Variants in NCAM2 observed in about 807,000 individuals in gnomAD.
NCAM2 encodes the protein N-CAM-2.
A neutral mutation model predicts 98.1 loss-of-function variants in NCAM2; 30 were observed. The ratio of observed to expected loss-of-function variants is 0.31; its 90% confidence interval spans 0.23 to 0.41. The LOEUF (loss-of-function observed/expected upper bound fraction) is 0.41. Among genes scored for constraint, NCAM2 ranks in the 10% least tolerant of loss-of-function variants. The pLI, the probability that NCAM2 is intolerant of heterozygous loss-of-function variation, is 1.00. For synonymous variants in NCAM2, 368 were observed against 342.4 expected (o/e 1.07, Z -0.83); for missense variants, 867 against 1,005.8 (o/e 0.86, Z 1.87).
At position 21,335,386 on chromosome 21, in the gene NCAM2, CCTGT is replaced by C. The variant is rs1484997814; in HGVS notation, c.738-116_738-113del. 7 of 631,838 alleles carry C rather than the reference CCTGT, an allele frequency of 1.1e-5. No individual in the cohort carries two copies. In the Admixed American group the frequency reaches 1.9e-4, roughly 17 times the overall value. 39.1% of individuals were successfully genotyped at this position (631,838 alleles called of 1,614,324 possible). ...AATATACTTTTGATTGGAATATAGC[CCTGT>C]CTTTCAATGATGATAGCCATATAGT... On this transcript the variant is annotated intron_variant, in intron 6 of 17. Transcript: ENST00000400546.
At chr21:21,329,024 G>T (rs181916280) in intron 6 of NCAM2, among the ~76,000 whole-genome samples, 1 of 148,706 alleles carries the variant, frequency 6.7e-6, no homozygotes, top group Admixed American at 6.8e-5. Context: ...GTGCAATCTC[G>T]GCTCACTGCA....
intron 5 of NCAM2, among the ~76,000 whole-genome samples, chr21:21,297,581 T>A (rs1450839828): frequency 1.3e-5 from 2 of 151,800 alleles, no homozygotes; most frequent in Admixed American, 1.3e-4. Context: ...AACTAGATAA[T>A]TGTGCTATAC....
At chr21:21,467,884 A>G (rs964630866) in intron 13 of NCAM2, among the ~76,000 whole-genome samples, 62 of 152,074 alleles carry the variant, frequency 4.1e-4, no homozygotes, top group African/African-American at 1.5e-3. Context: ...GAAAAGAAAG[A>G]AAGAAAAAAG....
chr21:21,350,357 A>C (rs1187924548), intron 8 of NCAM2, among the ~76,000 whole-genome samples: 4 of 152,174 alleles, frequency 2.6e-5, no homozygotes, highest in Admixed American at 6.6e-5. Flanking sequence ...GTAACTCACT[A>C]ACTACGATGT....
chr21:21,277,777 G>C (rs1209988063), intron 1 of NCAM2, among the ~76,000 whole-genome samples: 1 of 152,050 alleles, frequency 6.6e-6, no homozygotes, highest in Non-Finnish European at 1.5e-5. Flanking sequence ...GCAGTAGTCT[G>C]ACAAATACAT....
At chr21:21,277,213 C>G (rs1363307127) in intron 1 of NCAM2, among the ~76,000 whole-genome samples, 1 of 152,048 alleles carries the variant, frequency 6.6e-6, no homozygotes, top group Non-Finnish European at 1.5e-5. Context: ...ACATGATAAG[C>G]TCTTCGTAAG....
At chr21:21,484,357 G>A (rs911211160) in intron 15 of NCAM2, among the ~76,000 whole-genome samples, 3 of 151,776 alleles carry the variant, frequency 2.0e-5, no homozygotes, top group East Asian at 1.9e-4. Context: ...CTACTGTCAC[G>A]TTTTTTCTCT....
At chr21:21,179,278 G>A (rs1489966199) in intron 1 of NCAM2, among the ~76,000 whole-genome samples, 1 of 151,638 alleles carries the variant, frequency 6.6e-6, no homozygotes, top group African/African-American at 2.4e-5. Context: ...ACTTGGTAAT[G>A]TCTACTAACT....
intron 1 of NCAM2, among the ~76,000 whole-genome samples, chr21:21,108,887 G>C (rs1229482378): frequency 6.6e-6 from 1 of 151,952 alleles, no homozygotes; most frequent in Non-Finnish European, 1.5e-5. Flanking sequence ...AAACTTATAG[G>C]GTAAATCAAC....
chr21:21,182,171 A>G (rs1569118328), intron 1 of NCAM2, among the ~76,000 whole-genome samples: 2 of 152,234 alleles, frequency 1.3e-5, no homozygotes, highest in Non-Finnish European at 2.9e-5. Context: ...ATTCAGCATT[A>G]AAATTAATGA....
rs1287225405 is a variant in NCAM2 at position 21,539,055 on chromosome 21, T to C, written c.*1098T>C. ...AAAGAGTAAATGATAAATAATTAAA[T>C]GCCACTATGTGTTCTATTCCGGATG... is the stretch of plus-strand genomic sequence containing the variant. On this transcript the variant is annotated 3_prime_UTR_variant, in exon 18 of 18. Coordinates refer to ENST00000400546, the MANE Select transcript of NCAM2 (RefSeq NM_004540.5). 1 of 152,196 alleles carries C rather than the reference T, an allele frequency of 6.6e-6. No homozygotes were observed. The highest frequency in any genetic ancestry group is 1.5e-5 in the Non-Finnish European group (1 of 68,024). 9.4% of individuals were successfully genotyped at this position (152,196 alleles called of 1,614,324 possible).
At chr21:21,108,067 A>G (rs1053931806) in intron 1 of NCAM2, among the ~76,000 whole-genome samples, 3 of 152,114 alleles carry the variant, frequency 2.0e-5, no homozygotes, top group African/African-American at 7.2e-5. Flanking sequence ...GCTGCAATAT[A>G]TAACTAAACA....
chr21:21,475,381 A>C (rs569453969), intron 14 of NCAM2, among the ~76,000 whole-genome samples: 1 of 152,104 alleles, frequency 6.6e-6, no homozygotes, highest in Non-Finnish European at 1.5e-5. Flanking sequence ...GCAAACTACA[A>C]CATGAGGGTA....
chr21:21,158,008 A>C (rs2067667301), intron 1 of NCAM2, among the ~76,000 whole-genome samples: 1 of 152,152 alleles, frequency 6.6e-6, no homozygotes, highest in African/African-American at 2.4e-5. Flanking sequence ...CCTGAACCTC[A>C]CTTCTGAAAC....
chr21:21,104,708 C>T (rs1426245863), intron 1 of NCAM2, among the ~76,000 whole-genome samples: 2 of 152,040 alleles, frequency 1.3e-5, no homozygotes, highest in African/African-American at 4.8e-5. Flanking sequence ...GGTGTGGTAA[C>T]AAGCTACTAA....
chr21:21,247,999 G>A (rs1175934403), intron 1 of NCAM2, among the ~76,000 whole-genome samples: 2 of 152,002 alleles, frequency 1.3e-5, no homozygotes, highest in South Asian at 4.2e-4. Flanking sequence ...ATATACAGAG[G>A]ACAGAATGTG....
intron 6 of NCAM2, among the ~76,000 whole-genome samples, chr21:21,331,538 C>CTA (rs1568942351): frequency 6.6e-4 from 1 of 1,514 alleles, no homozygotes. Flanking sequence ...TATATATACT[C>CTA]TATATACATA....
chr21:21,526,929 A>T (rs1192190141), intron 16 of NCAM2, among the ~76,000 whole-genome samples: 1 of 152,150 alleles, frequency 6.6e-6, no homozygotes, highest in African/African-American at 2.4e-5. Flanking sequence ...CCATAAGAAA[A>T]AATATATCTA....
chr21:21,222,341 G>A (rs1010780577), intron 1 of NCAM2, among the ~76,000 whole-genome samples: 1 of 152,112 alleles, frequency 6.6e-6, no homozygotes, highest in African/African-American at 2.4e-5. Flanking sequence ...CATTTCATAA[G>A]GCTGTAGCTT....
Sources: allele counts gnomAD v4.1 joint callset (sites outside exome capture counted in the v4.1 genomes callset), GRCh38; gene constraint gnomAD v4.1.1; transcripts MANE v1.5; gene names NCBI Gene and HGNC (gene_info 2026-07-23, HGNC 2026-07-21).